Variants in B3GALT1 observed in about 807,000 individuals in gnomAD.
B3GALT1 encodes beta-1,3-galactosyltransferase 1, also known as UDP-Gal:betaGlcNAc beta 1,3-galactosyltransferase, polypeptide 1.
B3GALT1 carries 10 observed loss-of-function variants against 23.2 expected under a neutral mutation model. The ratio of observed to expected loss-of-function variants is 0.43; its 90% confidence interval spans 0.27 to 0.73. The LOEUF is 0.73. Ranked by LOEUF, B3GALT1 falls within the 30% of genes least tolerant of loss-of-function variation. B3GALT1 has a pLI of 0.21. For synonymous variants in B3GALT1, 156 were observed against 141.5 expected, an observed-to-expected ratio of 1.10 and a Z score of -0.73; for missense variants, 299 against 405.4, an observed-to-expected ratio of 0.74 and a Z score of 2.25.
intron 1 of B3GALT1, among the ~76,000 whole-genome samples, chr2:167,335,929 G>T (rs1697052254): frequency 6.6e-6 from 1 of 151,992 alleles, no homozygotes; most frequent in African/African-American, 2.4e-5. Context: ...GAATTCCTCT[G>T]GTTCAGATGC....
At chr2:167,662,758 A>G (rs559177991) in intron 3 of B3GALT1, among the ~76,000 whole-genome samples, 3 of 151,118 alleles carry the variant, frequency 2.0e-5, no homozygotes, top group African/African-American at 7.3e-5. Flanking sequence ...ATCTCGTATC[A>G]CCTCTCTCCT....
At chr2:167,781,616 G>T (rs1340993939) in intron 3 of B3GALT1, among the ~76,000 whole-genome samples, 2 of 152,206 alleles carry the variant, frequency 1.3e-5, no homozygotes, top group African/African-American at 4.8e-5. Flanking sequence ...AGTATTTCCA[G>T]ATTATTTCTG....
intron 2 of B3GALT1, among the ~76,000 whole-genome samples, chr2:167,507,914 A>G (rs960353931): frequency 6.6e-6 from 1 of 152,064 alleles, no homozygotes; most frequent in Non-Finnish European, 1.5e-5. Context: ...CAACAACTGA[A>G]ATTTATTTCT....
At chr2:167,750,877 C>T (rs555436664) in intron 3 of B3GALT1, among the ~76,000 whole-genome samples, 5 of 152,086 alleles carry the variant, frequency 3.3e-5, no homozygotes, top group South Asian at 2.1e-4. Flanking sequence ...TCCTATGCCA[C>T]GGGCAGGAAT....
At chr2:167,527,312 T>C (rs1159304923) in intron 2 of B3GALT1, among the ~76,000 whole-genome samples, 1 of 152,158 alleles carries the variant, frequency 6.6e-6, no homozygotes, top group Non-Finnish European at 1.5e-5. Flanking sequence ...ATCCATTATG[T>C]CCTTTGCCCA....
intron 2 of B3GALT1, among the ~76,000 whole-genome samples, chr2:167,635,933 C>T (rs1159122231): frequency 2.0e-5 from 3 of 152,062 alleles, no homozygotes; most frequent in African/African-American, 7.2e-5. Context: ...CGCTACCTGA[C>T]TTCAAACTAT....
At chr2:167,805,269 C>G (rs1010213347) in intron 3 of B3GALT1, among the ~76,000 whole-genome samples, 37 of 152,162 alleles carry the variant, frequency 2.4e-4, no homozygotes, top group African/African-American at 8.7e-4. Context: ...TTCTCCCATT[C>G]TGTAGGTTGC....
intron 2 of B3GALT1, among the ~76,000 whole-genome samples, chr2:167,536,588 T>C (rs1683431224): frequency 6.6e-6 from 1 of 152,238 alleles, no homozygotes; most frequent in African/African-American, 2.4e-5. Context: ...CTCCATTCTC[T>C]ATCCTTTAAC....
intron 2 of B3GALT1, among the ~76,000 whole-genome samples, chr2:167,607,131 T>C (rs1484740195): frequency 1.3e-5 from 2 of 152,150 alleles, no homozygotes; most frequent in East Asian, 1.9e-4. Context: ...AGAAAACAGA[T>C]TATTTGAAGA....
At chr2:167,340,850 T>C (rs1418151954) in intron 1 of B3GALT1, among the ~76,000 whole-genome samples, 1 of 152,150 alleles carries the variant, frequency 6.6e-6, no homozygotes, top group East Asian at 1.9e-4. Context: ...ATTGATAATG[T>C]AAAGAAACAG....
chr2:167,470,299 C>A (rs1338648278), intron 1 of B3GALT1, among the ~76,000 whole-genome samples: 1 of 152,136 alleles, frequency 6.6e-6, no homozygotes, highest in Non-Finnish European at 1.5e-5. Flanking sequence ...CACTAAAAAT[C>A]TGTTAACTCA....
At chr2:167,591,477 T>A (rs937256603) in intron 2 of B3GALT1, among the ~76,000 whole-genome samples, 3 of 152,070 alleles carry the variant, frequency 2.0e-5, no homozygotes, top group Non-Finnish European at 4.4e-5. Context: ...TATTTATTTA[T>A]TTATTTATTT....
intron 1 of B3GALT1, among the ~76,000 whole-genome samples, chr2:167,379,479 G>T (rs1392961608): frequency 6.6e-6 from 1 of 152,042 alleles, no homozygotes; most frequent in African/African-American, 2.4e-5. Context: ...AGATTGCTGT[G>T]TAGGGTTTTG....
intron 3 of B3GALT1, among the ~76,000 whole-genome samples, chr2:167,686,198 A>G (rs994840608): frequency 6.6e-6 from 1 of 152,232 alleles, no homozygotes; most frequent in Non-Finnish European, 1.5e-5. Flanking sequence ...TTAATACTTT[A>G]TGCAAAATTT....
intron 1 of B3GALT1, among the ~76,000 whole-genome samples, chr2:167,478,046 A>G (rs1699510496): frequency 6.6e-6 from 1 of 152,264 alleles, no homozygotes; most frequent in South Asian, 2.1e-4. Flanking sequence ...TCTTCAAAAT[A>G]TGAAAATCTG....
chr2:167,502,496 A>C (rs939975931), intron 2 of B3GALT1, among the ~76,000 whole-genome samples: 3 of 152,204 alleles, frequency 2.0e-5, no homozygotes, highest in African/African-American at 4.8e-5. Flanking sequence ...TCACGGTTCC[A>C]CAGGCTGTAC....
At chr2:167,324,641 TAC>T (rs1696865256) in intron 1 of B3GALT1, among the ~76,000 whole-genome samples, 1 of 152,158 alleles carries the variant, frequency 6.6e-6, no homozygotes, top group Non-Finnish European at 1.5e-5. Flanking sequence ...TTTTGTTACG[TAC>T]ATAGATGTGT....
intron 1 of B3GALT1, among the ~76,000 whole-genome samples, chr2:167,317,903 T>G (rs367833929): frequency 3.3e-5 from 5 of 152,198 alleles, no homozygotes; most frequent in African/African-American, 1.2e-4. Context: ...AATTTCATCA[T>G]TAGAAGCTAA....
At chr2:167,466,617 C>CA (rs1175269957) in intron 1 of B3GALT1, among the ~76,000 whole-genome samples, 12,268 of 52,118 alleles carry the variant, frequency 0.24, 1,292 homozygotes, top group East Asian at 0.34. Context: ...AAGACTCTGT[C>CA]AAAAAAAAAA....
Sources: allele counts gnomAD v4.1 joint callset (sites outside exome capture counted in the v4.1 genomes callset), GRCh38; gene constraint gnomAD v4.1.1; transcripts MANE v1.5; gene names NCBI Gene and HGNC (gene_info 2026-07-23, HGNC 2026-07-21).